NBL1: variants seen among roughly 807,000 people sequenced by gnomAD.
NBL1 encodes the protein NBL1, DAN family BMP antagonist, also known as neuroblastoma suppressor of tumorigenicity 1.
A neutral mutation model predicts 16.0 loss-of-function variants in NBL1; 9 were observed. The ratio of observed to expected loss-of-function variants is 0.56; its 90% CI spans 0.34 to 0.98. The LOEUF is 0.98. NBL1 is among the 50% of genes least tolerant of loss of function. NBL1 has a pLI of 0.02. For synonymous variants in NBL1, 86 were observed against 100.7 expected (o/e 0.85, Z 0.87); for missense variants, 196 against 243.1 (o/e 0.81, Z 1.29).
At chr1:19,649,457 C>G (rs546823377) in intron 1 of NBL1, among the ~76,000 whole-genome samples, 16 of 152,150 alleles carry the variant, frequency 1.1e-4, no homozygotes, top group Admixed American at 1.0e-3. Context: ...CTCCCGGGTT[C>G]AAGTGATTCT....
At chr1:19,645,824 C>T in intron 1 of NBL1, 2 of 1,476,768 alleles carry the variant, frequency 1.4e-6, no homozygotes, top group African/African-American at 1.4e-5. Flanking sequence ...GATATCGCCT[C>T]ATTATTTTAA....
chr1:19,645,334 C>T, intron 1 of NBL1: 2 of 984,898 alleles, frequency 2.0e-6, no homozygotes, highest in Non-Finnish European at 2.4e-6. Context: ...CTGCGGGCCA[C>T]CTGCCCGGCC....
chr1:19,647,049 T>C (rs1570546491), intron 1 of NBL1, among the ~76,000 whole-genome samples: 1 of 152,318 alleles, frequency 6.6e-6, no homozygotes, highest in Non-Finnish European at 1.5e-5. Context: ...GAATTAACTA[T>C]GATGGGCGAT....
chr1:19,645,788 G>C (rs2100388888), intron 1 of NBL1: 2 of 1,426,944 alleles, frequency 1.4e-6, no homozygotes, highest in East Asian at 5.3e-5. Flanking sequence ...GGTGGACAGG[G>C]GAGTAGGTGT....
At position 19,649,023 on chromosome 1, in the gene NBL1, G is replaced by A. The variant is rs188475661; in HGVS notation, c.-20+4577G>A. On this transcript the variant is annotated intron_variant, in intron 1 of 3. Coordinates refer to ENST00000375136, the MANE Select transcript of NBL1 (RefSeq NM_005380.8). ...TAGGGTGTTAACAGGAATGAGAGGC[G>A]CAGTCGGCTGGGGCAGTGGTGGGAG... Among the ~76,000 whole-genome samples, 544 of 152,272 alleles carry A rather than the reference G, an allele frequency of 3.6e-3. 3 individuals carry two copies. Among genetic ancestry groups the A allele is most frequent in the African/African-American group, 0.011 (438 of 41,530 alleles).
intron 1 of NBL1, 42 bp from the exon 2 acceptor site, chr1:19,654,970 G>C: frequency 6.6e-7 from 1 of 1,521,242 alleles, no homozygotes; most frequent in African/African-American, 1.4e-5. Context: ...CCGGCCCCCT[G>C]CACCTTGCTG....
rs2095057455 is a variant in NBL1, at chr1:19,656,530, C to T, written c.283-336C>T. Among the ~76,000 whole-genome samples, 3 of 151,758 alleles carry T rather than the reference C, an allele frequency of 2.0e-5. No homozygotes were observed. In the South Asian group the frequency reaches 6.2e-4, roughly 32 times the overall value. ...GGTAGGGGGGCCAGCCAGCTGGTGG[C>T]ACCTGAAGGTCCTGGGTGGCCTTAG... On this transcript the variant is annotated intron_variant, in intron 3 of 3. Transcript: ENST00000375136.
chr1:19,647,850 G>GGTGTGTGTGT (rs71579812), intron 1 of NBL1, among the ~76,000 whole-genome samples: 4 of 143,394 alleles, frequency 2.8e-5, no homozygotes, highest in African/African-American at 1.1e-4. Context: ...GGAAAGGCCT[G>GGTGTGTGTGT]GTGTGTGTGT....
At chr1:19,644,160 C>T, upstream of NBL1, 1 of 980,274 alleles carries the variant, frequency 1.0e-6, no homozygotes, top group Non-Finnish European at 1.2e-6. This position sits in a 1 kb window ranked among gnomAD's most constrained non-coding sequence, Gnocchi z 4.6. Context: ...CCGCGGCGCC[C>T]CCTCCTGCGC....
intron 1 of NBL1, among the ~76,000 whole-genome samples, chr1:19,647,890 CGCGCGTGTGT>C (rs2094993377): frequency 1.5e-5 from 2 of 136,912 alleles, no homozygotes; most frequent in Non-Finnish European, 3.1e-5. Flanking sequence ...TGTGCGTGTG[CGCGCGTGTGT>C]GTGCGTGCTT....
At chr1:19,647,523 C>T (rs967099836) in intron 1 of NBL1, 1 of 777,748 alleles carries the variant, frequency 1.3e-6, no homozygotes, top group Non-Finnish European at 1.6e-6. Context: ...GGAGGAGAGC[C>T]AGACCCTGCC....
Position 19,644,584 on chromosome 1 carries a change from CCGAGCTCAGGAG to C in NBL1, c.-20+140_-20+151del, listed in dbSNP as rs1202133037. On this transcript the variant is annotated intron_variant, in intron 1 of 3. Transcript: ENST00000375136. This position sits in a 1 kb window ranked among gnomAD's most constrained non-coding sequence, Gnocchi z 4.6. ...CGGGCACCGGGTGGAGGCGCCGCCG[CCGAGCTCAGGAG>C]CCCTGGGGGACCTGGCGGGCGCCTC... 2.4e-6 allele frequency: 1 copy of C among 409,868 alleles called. No homozygotes were observed. Among genetic ancestry groups the C allele is most frequent in the African/African-American group, 2.1e-5 (1 of 46,608 alleles). 25.4% of individuals were successfully genotyped at this position (409,868 alleles called of 1,614,324 possible). A position where few individuals can be genotyped will look rare whatever the true frequency, so the allele number is the denominator to read the frequency against.
upstream of NBL1, chr1:19,643,860 C>A: frequency 1.0e-6 from 1 of 991,464 alleles, no homozygotes; most frequent in Non-Finnish European, 1.2e-6. This position sits in a 1 kb window ranked among gnomAD's most constrained non-coding sequence, Gnocchi z 4.7. Context: ...GGGCGCCCCA[C>A]TCTCGGGGCA....
intron 3 of NBL1, 147 bp downstream of exon 3, chr1:19,655,582 G>A: frequency 2.1e-6 from 2 of 933,756 alleles, no homozygotes; most frequent in South Asian, 1.7e-5. Context: ...TTGTGCTGGG[G>A]ATACAAATGT....
chr1:19,653,422 T>C (rs191523472), intron 1 of NBL1, among the ~76,000 whole-genome samples: 181 of 152,280 alleles, frequency 1.2e-3, no homozygotes, highest in African/African-American at 4.0e-3. Flanking sequence ...GGACCAGGAC[T>C]TGTCCCCTCT....
At chr1:19,651,411 T>C (rs2095024896) in intron 1 of NBL1, among the ~76,000 whole-genome samples, 1 of 152,166 alleles carries the variant, frequency 6.6e-6, no homozygotes, top group Non-Finnish European at 1.5e-5. Flanking sequence ...GAGGGGGCCT[T>C]CTGCCTCAGT....
chr1:19,656,951 G>GCGC lies in NBL1; in HGVS notation c.370_371insCCG (p.Cys123_Gly124insAla). ...ATCCTGCACTGTAGCTGCCAGGCCT[G>GCGC]CGGCAAGGAGCCTAGTCACGAGGGG... is the stretch of plus-strand genomic sequence containing the variant. On this transcript the variant is annotated inframe_insertion, in exon 4 of 4. Transcript: ENST00000375136. 1 of 1,612,678 alleles carries GCGC rather than the reference G, an allele frequency of 6.2e-7. No homozygotes were observed. The highest frequency in any genetic ancestry group is 8.5e-7 in the Non-Finnish European group (1 of 1,179,544).
intron 1 of NBL1, among the ~76,000 whole-genome samples, chr1:19,653,240 C>T (rs1432549045): frequency 2.8e-5 from 4 of 141,950 alleles, no homozygotes; most frequent in Middle Eastern, 3.9e-3. Context: ...GAGCAGAGAT[C>T]GTGCCACTGC....
At position 19,657,422 on chromosome 1, in the gene NBL1, G is replaced by T. The variant is rs1231401519; in HGVS notation, c.*293G>T. 5.0e-6 allele frequency: 1 copy of T among 200,270 alleles called. No individual in the cohort carries two copies. Among genetic ancestry groups the T allele is most frequent in the African/African-American group, 2.3e-5 (1 of 43,400 alleles). The allele number at this position is 200,270 out of a possible 1,614,324, so 12.4% of individuals were successfully genotyped here. A position where few individuals can be genotyped will look rare whatever the true frequency, so the allele number is the denominator to read the frequency against. On this transcript the variant is annotated 3_prime_UTR_variant, in exon 4 of 4. Transcript: ENST00000375136. Reference sequence around the variant, plus strand: ...CTTCTAGAGATGTGCCTGTGGGAGGGGGAGGAAGTTGGCTGAGCCATTGAG... The same window carrying T: ...CTTCTAGAGATGTGCCTGTGGGAGGTGGAGGAAGTTGGCTGAGCCATTGAG...
Sources: allele counts gnomAD v4.1 joint callset (sites outside exome capture counted in the v4.1 genomes callset), GRCh38; gene constraint gnomAD v4.1.1; non-coding constraint Gnocchi (gnomAD v3.1); transcripts MANE v1.5; gene names NCBI Gene and HGNC (gene_info 2026-07-23, HGNC 2026-07-21).